Variants in TSPAN16 observed in about 807,000 individuals in gnomAD.
The protein encoded by TSPAN16 is tetraspanin-16.
A neutral mutation model predicts 25.2 loss-of-function variants in TSPAN16; 23 were observed. That is an observed-to-expected ratio of 0.91 (90% CI 0.66 to 1.29). TSPAN16 has a LOEUF of 1.29. TSPAN16 is among the 50% of genes most tolerant of loss of function. The pLI, the probability that TSPAN16 is intolerant of heterozygous loss-of-function variation, is 0.00. For missense variants in TSPAN16, 272 were observed against 299.9 expected, an observed-to-expected ratio of 0.91 and a Z score of 0.69; for synonymous variants, 123 against 124.4, an observed-to-expected ratio of 0.99 and a Z score of 0.08.
downstream of TSPAN16, chr19:11,316,061 C>T (rs1023878535): frequency 1.9e-5 from 13 of 675,756 alleles, no homozygotes; most frequent in Non-Finnish European, 2.4e-5. Flanking sequence ...TCTCATACAA[C>T]TTTCCTGTTT....
At chr19:11,299,991 A>G (rs1024750718) in intron 3 of TSPAN16, among the ~76,000 whole-genome samples, 17 of 151,864 alleles carry the variant, frequency 1.1e-4, no homozygotes, top group African/African-American at 4.1e-4. Flanking sequence ...AAAAGAAAAA[A>G]AAAAAAAAAG....
At position 11,296,342 on chromosome 19, in the gene TSPAN16, A is replaced by C. The variant is rs186685917; in HGVS notation, c.45A>C (p.Leu15Phe). The change falls in exon 1 of 7, where the codon TTA becomes TTC. Residue 15 changes from leucine to phenylalanine, a missense_variant. Coordinates refer to ENST00000590327, the MANE Select transcript of TSPAN16 (RefSeq NM_001282509.2). Reference sequence around the variant, plus strand: ...CGTATTCTTCCTTGAAGAAACTGTTATCTTTACTCAATGGCTTCGTGGCTG... The same window carrying C: ...CGTATTCTTCCTTGAAGAAACTGTTCTCTTTACTCAATGGCTTCGTGGCTG... The part of the protein sequence containing the change: ...HTPYSSLKKL[L>F]SLLNGFVAVS... 93 of 1,614,144 alleles carry C rather than the reference A, an allele frequency of 5.8e-5. No individual in the cohort carries two copies. In the Admixed American group the frequency reaches 1.0e-3, roughly 18 times the overall value.
chr19:11,303,580 A>T (rs1419090547), intron 4 of TSPAN16, among the ~76,000 whole-genome samples: 2 of 144,018 alleles, frequency 1.4e-5, no homozygotes, highest in African/African-American at 2.6e-5. Flanking sequence ...AATAAATTAA[A>T]AAAAAAAAAA....
intron 5 of TSPAN16, among the ~76,000 whole-genome samples, chr19:11,311,213 A>C (rs1268030967): frequency 6.6e-6 from 1 of 152,136 alleles, no homozygotes; most frequent in Non-Finnish European, 1.5e-5. Flanking sequence ...TCGGCTCACT[A>C]CAACCTCCGA....
intron 5 of TSPAN16, among the ~76,000 whole-genome samples, chr19:11,307,570 C>T (rs1203276154): frequency 6.6e-6 from 1 of 152,016 alleles, no homozygotes; most frequent in African/African-American, 2.4e-5. Flanking sequence ...AGGCACGTGC[C>T]ACCATGCCTG....
In TSPAN16 at chr19:11,315,821, T is replaced by C. The variant is rs1411229167; in HGVS notation, c.718T>C (p.Phe240Leu). The C allele has an allele frequency of 4.0e-5, 49 of 1,231,872 alleles. No homozygotes were observed. The highest frequency in any genetic ancestry group is 4.7e-5 in the Non-Finnish European group (46 of 987,882). 76.3% of individuals were successfully genotyped at this position (1,231,872 alleles called of 1,614,324 possible). A position where few individuals can be genotyped will look rare whatever the true frequency, so the allele number is the denominator to read the frequency against. Residue 240 changes from phenylalanine (F) to leucine (L), a missense_variant, in exon 7 of 7, where the codon TTT (phenylalanine) becomes CTT (leucine). By Grantham distance (22) the Phe-to-Leu change is conservative. Coordinates refer to ENST00000590327, the MANE Select transcript of TSPAN16 (RefSeq NM_001282509.2). ...AGGAATTCTTGCCACTTTGCTGCTG[T>C]TTATCAAGCTGGGCTGACACCCAGG... ...LPGILATLLL[F>L]IKLG is the part of the protein sequence containing the mutation.
intron 6 of TSPAN16, chr19:11,325,520 C>T: frequency 6.2e-7 from 1 of 1,613,784 alleles, no homozygotes; most frequent in Non-Finnish European, 8.5e-7. Context: ...ATGACATCCA[C>T]CAGGCGCTCG....
rs371552516 is a variant in TSPAN16 at position 11,301,274 on chromosome 19, A to G, written c.416A>G (p.Asp139Gly). The stretch of plus-strand genomic sequence containing the variant: ...TACAGAGGTTACAACGAGCCAGACG[A>G]CTATTCTACACAGTGGAACTTGGTC... ...KNYRGYNEPD[D>G]YSTQWNLVME... The change falls in exon 4 of 7, where the codon GAC (aspartate) becomes GGC (glycine). Residue 139 changes from aspartate (D) to glycine (G), a missense_variant. Asp to Gly is a moderately conservative substitution (Grantham distance 94, BLOSUM62 -1). Coordinates refer to ENST00000590327, the MANE Select transcript of TSPAN16 (RefSeq NM_001282509.2). 5.0e-6 allele frequency: 8 copies of G among 1,613,878 alleles called. No homozygotes were observed. Among genetic ancestry groups the G allele is most frequent in the Non-Finnish European group, 6.8e-6 (8 of 1,179,946 alleles).
At chr19:11,316,411 C>T (rs2080750011), downstream of TSPAN16, among the ~76,000 whole-genome samples, 1 of 151,996 alleles carries the variant, frequency 6.6e-6, no homozygotes, top group Admixed American at 6.6e-5. Flanking sequence ...TAAGCCACTG[C>T]ACCCAGCCAG....
chr19:11,307,162 C>T (rs2080637859), intron 5 of TSPAN16, among the ~76,000 whole-genome samples: 1 of 151,810 alleles, frequency 6.6e-6, no homozygotes. Flanking sequence ...CTGTGTCTCC[C>T]AGGCTGGAGT....
intron 5 of TSPAN16, among the ~76,000 whole-genome samples, chr19:11,310,063 C>A (rs935442808): frequency 1.3e-5 from 2 of 151,728 alleles, no homozygotes; most frequent in African/African-American, 2.4e-5. Context: ...TATGGTCATG[C>A]CACTGCATCC....
chr19:11,320,682 AAAAAAG>A (rs958701939), downstream of TSPAN16, among the ~76,000 whole-genome samples: 28 of 152,110 alleles, frequency 1.8e-4, no homozygotes, highest in African/African-American at 4.8e-4. Flanking sequence ...CCAAAAAAAA[AAAAAAG>A]AAAAGAAAAG....
intron 6 of TSPAN16, chr19:11,323,922 T>G (rs1398028816): frequency 1.3e-5 from 2 of 152,218 alleles, no homozygotes; most frequent in African/African-American, 4.8e-5. Context: ...GTTTGGAATC[T>G]GATGGGCAGA....
At chr19:11,320,980 C>T (rs895326251) in intron 6 of TSPAN16, among the ~76,000 whole-genome samples, 16 of 152,076 alleles carry the variant, frequency 1.1e-4, no homozygotes, top group Non-Finnish European at 2.2e-4. Flanking sequence ...ACCAGCCTGG[C>T]CAACGTGGTG....
chr19:11,302,885 A>ATT (rs768528967), intron 4 of TSPAN16, among the ~76,000 whole-genome samples: 7 of 135,076 alleles, frequency 5.2e-5, no homozygotes, highest in Admixed American at 1.5e-4. Context: ...TGCCTGGCTA[A>ATT]TTTTTTTTTT....
chr19:11,325,380 G>T (rs1257096753), intron 6 of TSPAN16: 1 of 1,499,646 alleles, frequency 6.7e-7, no homozygotes, highest in East Asian at 2.4e-5. Flanking sequence ...GGGGTGGGTG[G>T]GGGGTTGGGG....
chr19:11,303,762 C>T (rs1034032885), intron 4 of TSPAN16, among the ~76,000 whole-genome samples: 4 of 151,052 alleles, frequency 2.6e-5, no homozygotes, highest in African/African-American at 9.8e-5. Context: ...AATTTCTCCA[C>T]GTCCTTGACA....
In TSPAN16 at chr19:11,306,721, G is replaced by T. The variant is rs746601008; in HGVS notation, c.568G>T (p.Gly190Ter). 6.2e-7 allele frequency: 1 copy of T among 1,613,914 alleles called. No homozygotes were observed. Among genetic ancestry groups the T allele is most frequent in the South Asian group, 1.1e-5 (1 of 91,070 alleles). The change falls in exon 5 of 7, where the codon GGA (glycine) becomes TGA (stop). Residue 190 changes from glycine (G) to a stop codon, truncating the protein, a stop_gained. Transcript: ENST00000590327. LOFTEE classifies it high-confidence loss of function. ...CKSIGSVSCD[G>*]RDVSPNVIHQ... ...ATCCATCGGAAGTGTGTCCTGTGACGGACGCGATGTGTCTCCAAACGTCAT... is the reference window on the plus strand; with the variant it reads ...ATCCATCGGAAGTGTGTCCTGTGACTGACGCGATGTGTCTCCAAACGTCAT...
At chr19:11,326,278 G>A (rs2080812453) in intron 6 of TSPAN16, among the ~76,000 whole-genome samples, 1 of 151,894 alleles carries the variant, frequency 6.6e-6, no homozygotes, top group Non-Finnish European at 1.5e-5. Flanking sequence ...CTACTCGGAA[G>A]GTTAAGGCAG....
Sources: allele counts gnomAD v4.1 joint callset (sites outside exome capture counted in the v4.1 genomes callset), GRCh38; gene constraint gnomAD v4.1.1; transcripts MANE v1.5; gene names NCBI Gene and HGNC (gene_info 2026-07-23, HGNC 2026-07-21).